Variants in GRM5 observed in about 807,000 individuals in gnomAD.
The protein encoded by GRM5 is metabotropic glutamate receptor 5.
In GRM5, 19 loss-of-function variants were observed where a neutral mutation model predicts 83.1. The observed-to-expected ratio is 0.23, with a 90% CI of 0.16 to 0.34. The LOEUF (loss-of-function observed/expected upper bound fraction) is 0.34, where lower values mean the gene tolerates loss of function less well. GRM5 is among the 10% of genes least tolerant of loss of function. The pLI, the probability that GRM5 is intolerant of heterozygous loss-of-function variation, is 1.00. For synonymous variants in GRM5, 675 were observed against 633.6 expected (o/e 1.07, Z -0.98); for missense variants, 1,160 against 1,588.3 (o/e 0.73, Z 4.58).
intron 8 of GRM5, among the ~76,000 whole-genome samples, chr11:88,548,169 T>G (rs1217596003): frequency 1.3e-5 from 2 of 152,214 alleles, no homozygotes; most frequent in African/African-American, 4.8e-5. Flanking sequence ...AAGAGAGTTG[T>G]TAACTCACAG....
intron 2 of GRM5, among the ~76,000 whole-genome samples, chr11:88,880,964 A>T (rs1944942185): frequency 6.6e-6 from 1 of 151,976 alleles, no homozygotes; most frequent in Admixed American, 6.6e-5. Context: ...ATAGGTCAAG[A>T]AGGACACAAC....
At position 88,624,489 on chromosome 11, in the gene GRM5, G is replaced by A. The variant is rs200567838; in HGVS notation, c.1148-19525C>T. ...AAGAGAATGATAAATATGGGAGGAA[G>A]GAACAATGACAAGAGGGAAACTGAA... is the stretch of plus-strand genomic sequence containing the variant. On this transcript the variant is annotated intron_variant, in intron 4 of 9. Coordinates refer to ENST00000305447, the MANE Select transcript of GRM5 (RefSeq NM_001143831.3). Among the ~76,000 whole-genome samples the A allele has an allele frequency of 8.5e-5, 13 of 152,264 alleles. No individual in the cohort carries two copies. In the East Asian group the frequency reaches 1.7e-3, roughly 20 times the overall value.
chr11:88,553,539 C>G (rs551799846), intron 8 of GRM5, among the ~76,000 whole-genome samples: 8 of 152,246 alleles, frequency 5.3e-5, no homozygotes, highest in African/African-American at 1.9e-4. Flanking sequence ...TCTTTAGCTT[C>G]TAATCAAGAC....
chr11:89,051,984 T>C (rs1376324530), intron 1 of GRM5, among the ~76,000 whole-genome samples: 3 of 152,164 alleles, frequency 2.0e-5, no homozygotes. Context: ...AGACTAGATG[T>C]GAGTAGTAAG....
chr11:88,825,959 A>G (rs573875249), intron 3 of GRM5, among the ~76,000 whole-genome samples: 2 of 152,266 alleles, frequency 1.3e-5, no homozygotes, highest in East Asian at 3.9e-4. Flanking sequence ...AATGCATTAT[A>G]TTTTTTTGGA....
intron 2 of GRM5, among the ~76,000 whole-genome samples, chr11:88,877,035 A>G (rs1204288649): frequency 6.6e-6 from 1 of 152,074 alleles, no homozygotes; most frequent in Non-Finnish European, 1.5e-5. Flanking sequence ...TGAAGTAGAG[A>G]GTAGGATAGT....
At chr11:88,906,765 T>C (rs1436075647) in intron 2 of GRM5, among the ~76,000 whole-genome samples, 1 of 152,188 alleles carries the variant, frequency 6.6e-6, no homozygotes, top group Non-Finnish European at 1.5e-5. Flanking sequence ...ACTAACATCA[T>C]ATTCATCTGC....
intron 3 of GRM5, among the ~76,000 whole-genome samples, chr11:88,715,535 G>A (rs1459221821): frequency 1.3e-5 from 2 of 151,912 alleles, no homozygotes; most frequent in Admixed American, 6.6e-5. Context: ...ATTCTACAAC[G>A]AAATCCTCCC....
chr11:88,965,507 T>C lies in GRM5; in HGVS notation c.661+81705A>G, dbSNP rs551295088. Among the ~76,000 whole-genome samples the C allele has an allele frequency of 3.5e-4, 54 of 152,188 alleles. 1 individual carries two copies. Among genetic ancestry groups the C allele is most frequent in the African/African-American group, 1.3e-3 (53 of 41,540 alleles). The stretch of plus-strand genomic sequence containing the variant: ...AATTTGGGTTGACATAAACATTCAG[T>C]CCATTGTACTACATTAAATATATAG... On this transcript the variant is annotated intron_variant, in intron 2 of 9. Transcript: ENST00000305447.
chr11:88,523,413 T>TCTGGTG (rs1941757936), intron 9 of GRM5, among the ~76,000 whole-genome samples: 1 of 152,210 alleles, frequency 6.6e-6, no homozygotes, highest in Admixed American at 6.5e-5. Flanking sequence ...TCCAGCTTAC[T>TCTGGTG]CTGGTGCTGT....
rs997584598 is a variant in GRM5 at position 88,771,281 on chromosome 11, G to A, written c.911+78625C>T. Among the ~76,000 whole-genome samples, 11 of 152,120 alleles carry A rather than the reference G, an allele frequency of 7.2e-5. No homozygotes were observed. In the South Asian group the frequency reaches 2.3e-3, roughly 32 times the overall value. ...GGAGAATGGGCCCAGACGATCACAA[G>A]GTAAAGTCCCACAATAGGCCATATG... is the stretch of plus-strand genomic sequence containing the variant. On this transcript the variant is annotated intron_variant, in intron 3 of 9. Transcript: ENST00000305447.
chr11:88,619,192 C>G (rs927429144), intron 4 of GRM5, among the ~76,000 whole-genome samples: 1 of 152,174 alleles, frequency 6.6e-6, no homozygotes, highest in Non-Finnish European at 1.5e-5. Flanking sequence ...TTTGAAGTAG[C>G]TGTTAAACAA....
intron 4 of GRM5, among the ~76,000 whole-genome samples, chr11:88,637,644 G>A (rs1273933903): frequency 1.7e-4 from 25 of 144,898 alleles, no homozygotes; most frequent in African/African-American, 5.5e-4. Context: ...TCATTAAAAA[G>A]TCAGGAAACA....
chr11:88,868,421 C>T (rs73530802), intron 2 of GRM5, among the ~76,000 whole-genome samples: 20 of 151,674 alleles, frequency 1.3e-4, no homozygotes, highest in African/African-American at 2.4e-4. Context: ...GGATTAAATG[C>T]GATTTTGCAT....
At chr11:88,639,915 C>A (rs150791007) in intron 4 of GRM5, among the ~76,000 whole-genome samples, 21 of 152,226 alleles carry the variant, frequency 1.4e-4, no homozygotes, top group Non-Finnish European at 2.2e-4. Flanking sequence ...TATTTTTTGA[C>A]AGTGGATATT....
At chr11:88,979,484 CA>C (rs1380789084) in intron 2 of GRM5, among the ~76,000 whole-genome samples, 1 of 152,130 alleles carries the variant, frequency 6.6e-6, no homozygotes, top group Non-Finnish European at 1.5e-5. Context: ...ACAGGTATTA[CA>C]AAAATATTAA....
intron 2 of GRM5, among the ~76,000 whole-genome samples, chr11:88,975,534 T>C (rs888483265): frequency 8.5e-5 from 13 of 152,190 alleles, no homozygotes; most frequent in Non-Finnish European, 1.9e-4. Context: ...CCCTTCATTA[T>C]ATCTCAAAGC....
At chr11:88,876,516 A>T (rs1007592281) in intron 2 of GRM5, among the ~76,000 whole-genome samples, 1 of 152,072 alleles carries the variant, frequency 6.6e-6, no homozygotes, top group Non-Finnish European at 1.5e-5. Context: ...ATTTGCATTC[A>T]CAACTTGACT....
intron 2 of GRM5, among the ~76,000 whole-genome samples, chr11:88,941,469 GAAGA>G (rs1938093503): frequency 1.2e-5 from 1 of 84,982 alleles, no homozygotes; most frequent in African/African-American, 4.3e-5. Flanking sequence ...GAAGAGAAGA[GAAGA>G]GGGGAGGGGA....
Sources: gnomAD v4.1 joint callset for allele counts (sites outside exome capture counted in the v4.1 genomes callset) on GRCh38, gnomAD v4.1.1 for gene constraint, MANE v1.5 for transcripts, NCBI Gene and HGNC (gene_info 2026-07-23, HGNC 2026-07-21) for gene names.